Variants in CSMD1 observed in about 807,000 individuals in gnomAD.
CSMD1 encodes the protein CUB and sushi domain-containing protein 1.
In CSMD1, 213 loss-of-function variants were observed where a neutral mutation model predicts 417.5. That is an observed-to-expected ratio of 0.51 (90% CI 0.46 to 0.57). CSMD1 has a LOEUF of 0.57. CSMD1 is among the 20% of genes least tolerant of loss of function. The probability of loss-of-function intolerance (pLI) is 0.00; values close to 1 mark genes in which losing one functional copy is unlikely to be tolerated. For synonymous variants in CSMD1, 2,862 were observed against 1,736.8 expected (o/e 1.65, Z -16.11); for missense variants, 6,923 against 4,529.7 (o/e 1.53, Z -15.17).
chr8:3,351,284 C>T (rs915452874), intron 21 of CSMD1, among the ~76,000 whole-genome samples: 1 of 151,902 alleles, frequency 6.6e-6, no homozygotes, highest in African/African-American at 2.4e-5. Flanking sequence ...TTTCACATGG[C>T]ATTTTCCCCA....
Position 3,733,784 on chromosome 8 carries a change from G to A in CSMD1, c.931+20146C>T, listed in dbSNP as rs536363224. ...TACTTGTACTTAATGATGGCAAGCG[G>A]GTGGATACTTGCATACTGTTAGAAC... On this transcript the variant is annotated intron_variant, in intron 6 of 69. Coordinates refer to ENST00000635120, the MANE Select transcript of CSMD1 (RefSeq NM_033225.6). Among the ~76,000 whole-genome samples, 15 of 152,138 alleles carry A rather than the reference G, an allele frequency of 9.9e-5. No individual in the cohort carries two copies. In the South Asian group the frequency reaches 2.7e-3, roughly 27 times the overall value.
Position 4,231,590 on chromosome 8 carries a change from C to T in CSMD1, c.415+188363G>A, listed in dbSNP as rs557210857. Among the ~76,000 whole-genome samples, 23 of 152,276 alleles carry T rather than the reference C, an allele frequency of 1.5e-4. 1 individual carries two copies. The South Asian group carries it at 4.8e-3, about 32-fold the overall frequency. On this transcript the variant is annotated intron_variant, in intron 3 of 69. Transcript: ENST00000635120. Reference sequence around the variant, plus strand: ...GCATGTAACTATTATTGTTATAAATCTGCATACAATCCCCCAACAAATGTT... The same window carrying T: ...GCATGTAACTATTATTGTTATAAATTTGCATACAATCCCCCAACAAATGTT...
intron 8 of CSMD1, among the ~76,000 whole-genome samples, chr8:3,605,065 G>C (rs1801543651): frequency 6.6e-6 from 1 of 152,124 alleles, no homozygotes; most frequent in South Asian, 2.1e-4. Flanking sequence ...TGCCATCTCG[G>C]CTTACTGCAA....
intron 6 of CSMD1, among the ~76,000 whole-genome samples, chr8:3,728,982 G>C (rs144991573): frequency 1.5e-4 from 23 of 152,334 alleles, no homozygotes; most frequent in East Asian, 7.7e-4. Context: ...GGCTGAGGTG[G>C]TAGAGTGTGA....
At chr8:3,740,085 G>C (rs144240128) in intron 6 of CSMD1, among the ~76,000 whole-genome samples, 10 of 152,016 alleles carry the variant, frequency 6.6e-5, no homozygotes, top group African/African-American at 1.2e-4. Context: ...TGCAACAAAG[G>C]TATTCATTTT....
intron 5 of CSMD1, among the ~76,000 whole-genome samples, chr8:3,885,599 C>T (rs572322533): frequency 2.0e-5 from 3 of 152,248 alleles, no homozygotes; most frequent in South Asian, 2.1e-4. Flanking sequence ...ACATCAGAAT[C>T]GGCTATGATG....
At chr8:4,463,234 G>A (rs1429725941) in intron 2 of CSMD1, among the ~76,000 whole-genome samples, 1 of 152,144 alleles carries the variant, frequency 6.6e-6, no homozygotes, top group Non-Finnish European at 1.5e-5. Context: ...AAGACGTACT[G>A]AGATACCAGT....
At chr8:4,935,475 G>C (rs1010466949) in intron 1 of CSMD1, among the ~76,000 whole-genome samples, 1 of 152,168 alleles carries the variant, frequency 6.6e-6, no homozygotes, top group Non-Finnish European at 1.5e-5. Flanking sequence ...CAGAAACTAA[G>C]TCTTTCAGTG....
At chr8:4,741,897 G>A (rs544548585) in intron 1 of CSMD1, among the ~76,000 whole-genome samples, 1 of 147,618 alleles carries the variant, frequency 6.8e-6, no homozygotes, top group African/African-American at 2.5e-5. Flanking sequence ...ACAGTAGCAT[G>A]ATCACAGCTC....
At chr8:3,938,401 T>C (rs1265867167) in intron 5 of CSMD1, among the ~76,000 whole-genome samples, 1 of 152,150 alleles carries the variant, frequency 6.6e-6, no homozygotes, top group Non-Finnish European at 1.5e-5. Flanking sequence ...GGTAGGCTAG[T>C]TTTGATTTGG....
intron 3 of CSMD1, among the ~76,000 whole-genome samples, chr8:4,309,542 A>T (rs1292129331): frequency 1.3e-5 from 2 of 152,146 alleles, no homozygotes; most frequent in African/African-American, 2.4e-5. Flanking sequence ...ACAAAGTATA[A>T]ATCATAGGCT....
chr8:4,599,022 G>A (rs1800436790), intron 2 of CSMD1, among the ~76,000 whole-genome samples: 1 of 152,166 alleles, frequency 6.6e-6, no homozygotes, highest in African/African-American at 2.4e-5. Flanking sequence ...GTTTAAAAAT[G>A]TATTAAACTC....
At chr8:4,777,515 T>C (rs1221002881) in intron 1 of CSMD1, among the ~76,000 whole-genome samples, 5 of 152,200 alleles carry the variant, frequency 3.3e-5, no homozygotes, top group Admixed American at 3.3e-4. Context: ...TCCCAGTGTA[T>C]ACCTGAAACA....
chr8:4,732,747 G>T (rs1358620473), intron 1 of CSMD1, among the ~76,000 whole-genome samples: 1 of 152,140 alleles, frequency 6.6e-6, no homozygotes, highest in Non-Finnish European at 1.5e-5. Flanking sequence ...GCTTGATAAA[G>T]ACTAAGCAGG....
chr8:4,030,915 G>A (rs1177598135), intron 4 of CSMD1, among the ~76,000 whole-genome samples: 1 of 152,088 alleles, frequency 6.6e-6, no homozygotes, highest in South Asian at 2.1e-4. Context: ...ACTCTCTAGG[G>A]CAGGGGCAAA....
chr8:3,606,483 G>A (rs1000624772), intron 8 of CSMD1, among the ~76,000 whole-genome samples: 2 of 144,162 alleles, frequency 1.4e-5, no homozygotes, highest in East Asian at 2.0e-4. Context: ...ATGAAAGACG[G>A]AAGATGTCTC....
rs17413749 is a variant in CSMD1 at position 4,322,521 on chromosome 8, T to A, written c.415+97432A>T. Among the ~76,000 whole-genome samples, 8 of 152,038 alleles carry A rather than the reference T, an allele frequency of 5.3e-5. No individual in the cohort carries two copies. The East Asian group carries it at 1.6e-3, about 29-fold the overall frequency. On this transcript the variant is annotated intron_variant, in intron 3 of 69. Transcript: ENST00000635120. Reference sequence around the variant, plus strand: ...AGTTGTGGGTTCAGGGAAGGCTGTATAAAAACATAACATTTGAGGTAGGCC... The same window carrying A: ...AGTTGTGGGTTCAGGGAAGGCTGTAAAAAAACATAACATTTGAGGTAGGCC...
chr8:4,924,626 A>G (rs965835057), intron 1 of CSMD1, among the ~76,000 whole-genome samples: 5 of 150,612 alleles, frequency 3.3e-5, no homozygotes, highest in Non-Finnish European at 7.4e-5. Context: ...GGAGGCTGAG[A>G]CAAGAGAATT....
At chr8:3,878,949 G>C (rs1806016952) in intron 5 of CSMD1, among the ~76,000 whole-genome samples, 1 of 152,046 alleles carries the variant, frequency 6.6e-6, no homozygotes, top group African/African-American at 2.4e-5. Flanking sequence ...TTTAATATAT[G>C]ACTAAGTTTT....
Sources: allele counts gnomAD v4.1 joint callset (sites outside exome capture counted in the v4.1 genomes callset), GRCh38; gene constraint gnomAD v4.1.1; transcripts MANE v1.5; gene names NCBI Gene and HGNC (gene_info 2026-07-23, HGNC 2026-07-21).